PNPLA1: variants seen among roughly 807,000 people sequenced by gnomAD.
The protein encoded by PNPLA1 is omega-hydroxyceramide transacylase.
A neutral mutation model predicts 51.7 loss-of-function variants in PNPLA1; 36 were observed. The ratio of observed to expected loss-of-function variants is 0.70; its 90% CI spans 0.53 to 0.92. The LOEUF (loss-of-function observed/expected upper bound fraction) is 0.92. PNPLA1 is among the 40% of genes least tolerant of loss of function. PNPLA1 has a pLI of 0.00. For synonymous variants in PNPLA1, 293 were observed against 280.1 expected (o/e 1.05, Z -0.46); for missense variants, 658 against 682.5 (o/e 0.96, Z 0.40).
intron 8 of PNPLA1, chr6:36,308,301 C>CAGG (rs1771305192): frequency 6.6e-6 from 1 of 152,200 alleles, no homozygotes; most frequent in Non-Finnish European, 1.5e-5. Context: ...CGCTTGAACC[C>CAGG]AGGAGGCAGA....
intron 1 of PNPLA1, among the ~76,000 whole-genome samples, chr6:36,279,040 A>G (rs1210011257): frequency 6.6e-6 from 1 of 152,214 alleles, no homozygotes; most frequent in Non-Finnish European, 1.5e-5. Context: ...AGCTAGGGAG[A>G]GAGCCACGTG....
Position 36,291,567 on chromosome 6 carries a change from C to T in PNPLA1, c.438+15C>T. 4 of 132,876 alleles carry T rather than the reference C, an allele frequency of 3.0e-5. No individual in the cohort carries two copies. The highest frequency in any genetic ancestry group is 1.1e-4 in the Admixed American group (1 of 8,986). The allele number at this position is 132,876 out of a possible 1,614,324, so 8.2% of individuals were successfully genotyped here. ...AGCTCATTGAGGCAAGGGGGCTGGGCTGGGAGGGAGGGACACGGAGGGGGC... is the reference window on the plus strand; with the variant it reads ...AGCTCATTGAGGCAAGGGGGCTGGGTTGGGAGGGAGGGACACGGAGGGGGC... On this transcript the variant is annotated intron_variant, in intron 2 of 8. Transcript: ENST00000636260.
At chr6:36,261,492 G>C (rs1278203988) in intron 1 of PNPLA1, among the ~76,000 whole-genome samples, 1 of 152,212 alleles carries the variant, frequency 6.6e-6, no homozygotes, top group African/African-American at 2.4e-5. Flanking sequence ...TACGTATTCA[G>C]GTCAATGTAA....
At chr6:36,269,122 A>G (rs2127323136), upstream of PNPLA1, among the ~76,000 whole-genome samples, 1 of 152,352 alleles carries the variant, frequency 6.6e-6, no homozygotes, top group Non-Finnish European at 1.5e-5. Flanking sequence ...CCATGCAGAT[A>G]AGTGAGTCCA....
intron 1 of PNPLA1, among the ~76,000 whole-genome samples, chr6:36,285,430 C>T (rs563175697): frequency 3.3e-5 from 5 of 152,354 alleles, no homozygotes; most frequent in South Asian, 2.1e-4. Flanking sequence ...GACCTAATTC[C>T]GGTACCCTGT....
intron 1 of PNPLA1, among the ~76,000 whole-genome samples, chr6:36,245,259 A>G (rs1561843526): frequency 6.6e-6 from 1 of 152,354 alleles, no homozygotes; most frequent in South Asian, 2.1e-4. Context: ...TCTCTGTGCC[A>G]GTGGATGGCA....
At chr6:36,273,251 TAATA>T (rs61428212) in intron 1 of PNPLA1, among the ~76,000 whole-genome samples, 9,851 of 146,556 alleles carry the variant, frequency 0.067, 433 homozygotes, top group Middle Eastern at 0.16. Context: ...AATAAATAAA[TAATA>T]AATAAATAAA....
At chr6:36,305,351 T>C (rs768300930) in intron 6 of PNPLA1, among the ~76,000 whole-genome samples, 2 of 152,122 alleles carry the variant, frequency 1.3e-5, no homozygotes, top group African/African-American at 4.8e-5. Flanking sequence ...ATTGGTGGCA[T>C]TGGGGAACAG....
rs1271365786 is a variant in PNPLA1, at chr6:36,302,201, A to G, written c.1116A>G (p.Val372=). The G allele has an allele frequency of 6.2e-7, 1 of 1,614,182 alleles. No homozygotes were observed. The highest frequency in any genetic ancestry group is 2.2e-5 in the East Asian group (1 of 44,884). ...TTTCTCTAAGTGGCATGCCACCTGT[A>G]TCATTCCCAGCTGTGCACAAGCCAC... is the stretch of plus-strand genomic sequence containing the variant. ...TPLSLSGMPP[V]SFPAVHKPPS... Residue 372 remains valine (V), a synonymous_variant, in exon 6 of 9, where the codon GTA becomes GTG. Transcript: ENST00000636260.
intron 6 of PNPLA1, 40 bp from the exon 7 acceptor site, chr6:36,306,252 C>T: frequency 6.7e-7 from 1 of 1,485,816 alleles, no homozygotes; most frequent in South Asian, 1.2e-5. Context: ...CATATCCCCC[C>T]TCCCCATCTC....
intron 5 of PNPLA1, among the ~76,000 whole-genome samples, chr6:36,300,256 GCA>G (rs1271682076): frequency 1.1e-4 from 16 of 150,460 alleles, no homozygotes; most frequent in Middle Eastern, 3.4e-3. Flanking sequence ...GTGCAGTGGT[GCA>G]ATCTTGGCTC....
chr6:36,255,453 C>A (rs545367665), intron 1 of PNPLA1, among the ~76,000 whole-genome samples: 1 of 152,160 alleles, frequency 6.6e-6, no homozygotes, highest in Non-Finnish European at 1.5e-5. Flanking sequence ...TGCAGTGAGC[C>A]GAGATCATGC....
At chr6:36,271,046 T>G (rs1156534498) in intron 1 of PNPLA1, among the ~76,000 whole-genome samples, 3 of 152,186 alleles carry the variant, frequency 2.0e-5, no homozygotes, top group Admixed American at 6.5e-5. Context: ...CTGCCTGGCC[T>G]CTTTCAAAAT....
intron 1 of PNPLA1, among the ~76,000 whole-genome samples, chr6:36,285,433 T>C (rs1467912): frequency 0.65 from 98,118 of 152,080 alleles, 31,677 homozygotes; most frequent in Middle Eastern, 0.7. Context: ...CTAATTCCGG[T>C]ACCCTGTGAA....
At position 36,291,392 on chromosome 6, in the gene PNPLA1, C is replaced by G. The variant is rs878950582; in HGVS notation, c.278C>G (p.Ser93Cys). 6 of 1,614,028 alleles carry G rather than the reference C, an allele frequency of 3.7e-6. No homozygotes were observed. The highest frequency in any genetic ancestry group is 5.1e-6 in the Non-Finnish European group (6 of 1,180,032). Residue 93 changes from serine (S) to cysteine (C), a missense_variant, in exon 2 of 9, where the codon TCC (serine) becomes TGC (cysteine). Physicochemically the swap from Ser to Cys is moderately radical, Grantham distance 112 (BLOSUM62 -1). Coordinates refer to ENST00000636260, the MANE Select transcript of PNPLA1 (RefSeq NM_001374623.1). ...KKSFLGPLSP[S>C]CKMVQMMRQF... ...TCCTTCCTGGGGCCCTTGTCCCCGT[C>G]CTGTAAGATGGTGCAGATGATGAGG...
intron 8 of PNPLA1, among the ~76,000 whole-genome samples, chr6:36,309,639 A>G (rs1390141068): frequency 6.6e-6 from 1 of 152,190 alleles, no homozygotes; most frequent in Non-Finnish European, 1.5e-5. Context: ...ATAAAAACAA[A>G]CAAGACAACA....
rs144934185 is a variant in PNPLA1 at position 36,291,442 on chromosome 6, G to A, written c.328G>A (p.Glu110Lys). 5.5e-5 allele frequency: 88 copies of A among 1,614,066 alleles called. No individual in the cohort carries two copies. The African/African-American group carries it at 9.7e-4, about 18-fold the overall frequency. The change falls in exon 2 of 9, where the codon GAG (glutamate) becomes AAG (lysine). Residue 110 changes from glutamate (E) to lysine (K), a missense_variant. Coordinates refer to ENST00000636260, the MANE Select transcript of PNPLA1 (RefSeq NM_001374623.1). ...GCAGTTTCTGTACCGGGTCCTGCCC[G>A]AGGACTCCTACAAGGTCACCACGGG... Reference protein sequence around the residue: ...MRQFLYRVLPEDSYKVTTGKL... With the variant: ...MRQFLYRVLPKDSYKVTTGKL...
At chr6:36,264,219 G>A (rs1004406628) in intron 1 of PNPLA1, among the ~76,000 whole-genome samples, 1 of 152,180 alleles carries the variant, frequency 6.6e-6, no homozygotes, top group African/African-American at 2.4e-5. Flanking sequence ...CCTATGCAGG[G>A]CCAAGGAAGG....
intron 1 of PNPLA1, among the ~76,000 whole-genome samples, chr6:36,275,818 T>C (rs1236647159): frequency 6.6e-6 from 1 of 152,194 alleles, no homozygotes; most frequent in Admixed American, 6.5e-5. Flanking sequence ...TTTGTAAATA[T>C]AGTTGATCTT....
Sources: allele counts gnomAD v4.1 joint callset (sites outside exome capture counted in the v4.1 genomes callset), GRCh38; gene constraint gnomAD v4.1.1; transcripts MANE v1.5; gene names NCBI Gene and HGNC (gene_info 2026-07-23, HGNC 2026-07-21).